Variants in CADM2 observed in about 807,000 individuals in gnomAD.
The protein encoded by CADM2 is immunoglobulin superfamily member 4D.
In CADM2, 12 loss-of-function variants were observed where a neutral mutation model predicts 49.8. That is an observed-to-expected ratio of 0.24 (90% confidence interval 0.15 to 0.39). The LOEUF (loss-of-function observed/expected upper bound fraction) is 0.39. CADM2 is among the 10% of genes least tolerant of loss of function. CADM2 has a pLI of 1.00. For missense variants in CADM2, 378 were observed against 492.3 expected (o/e 0.77, Z 2.20); for synonymous variants, 214 against 175.4 (o/e 1.22, Z -1.74).
At chr3:85,729,256 A>T (rs1377923894) in intron 2 of CADM2, among the ~76,000 whole-genome samples, 1 of 152,126 alleles carries the variant, frequency 6.6e-6, no homozygotes, top group Non-Finnish European at 1.5e-5. Context: ...TCTGAAATAC[A>T]GGTTTTATTC....
At position 85,568,259 on chromosome 3, in the gene CADM2, T is replaced by C. The variant is rs1431585060; in HGVS notation, c.62-158263T>C. On this transcript the variant is annotated intron_variant, in intron 1 of 9. Transcript: ENST00000383699. ...AATAATCACAATTCACTCTGCGAAGTGGTACACAAGAAATGCAAGAAAGAA... is the reference window on the plus strand; with the variant it reads ...AATAATCACAATTCACTCTGCGAAGCGGTACACAAGAAATGCAAGAAAGAA... Among the ~76,000 whole-genome samples the C allele has an allele frequency of 3.3e-5, 5 of 152,072 alleles. No homozygotes were observed. The South Asian group carries it at 1.0e-3, about 32-fold the overall frequency.
chr3:85,461,165 G>T (rs773519591), intron 1 of CADM2, among the ~76,000 whole-genome samples: 3 of 151,748 alleles, frequency 2.0e-5, no homozygotes, highest in African/African-American at 7.3e-5. Flanking sequence ...TCATGTTTTC[G>T]CATGAGATGT....
intron 1 of CADM2, among the ~76,000 whole-genome samples, chr3:85,417,095 T>TA (rs368448805): frequency 2.0e-4 from 30 of 151,860 alleles, no homozygotes; most frequent in African/African-American, 3.4e-4. Flanking sequence ...TTGAAAAGCT[T>TA]AAAAAAAACT....
At chr3:85,159,685 C>G (rs2040254312) in intron 1 of CADM2, among the ~76,000 whole-genome samples, 1 of 152,174 alleles carries the variant, frequency 6.6e-6, no homozygotes, top group Non-Finnish European at 1.5e-5. Context: ...ATGATTAACG[C>G]TGAGTGTGCT....
chr3:85,008,741 CATAT>C (rs766800135), intron 1 of CADM2, among the ~76,000 whole-genome samples: 7 of 151,346 alleles, frequency 4.6e-5, no homozygotes, highest in African/African-American at 1.7e-4. Context: ...TATAAAGAGT[CATAT>C]ATATATATAA....
At chr3:84,979,425 T>C (rs2032028047) in intron 1 of CADM2, among the ~76,000 whole-genome samples, 2 of 152,170 alleles carry the variant, frequency 1.3e-5, no homozygotes, top group African/African-American at 4.8e-5. Context: ...AAAAAATGTG[T>C]GTGCCTGTGT....
intron 8 of CADM2, among the ~76,000 whole-genome samples, chr3:85,963,480 A>T (rs926366235): frequency 6.6e-6 from 1 of 151,904 alleles, no homozygotes; most frequent in African/African-American, 2.4e-5. Flanking sequence ...TGTTTAGATC[A>T]TGCAGTCATG....
chr3:86,032,516 A>G (rs1379903861), intron 8 of CADM2, among the ~76,000 whole-genome samples: 2 of 151,940 alleles, frequency 1.3e-5, no homozygotes, highest in African/African-American at 4.8e-5. Flanking sequence ...TAGTTATAAC[A>G]TATATTAATG....
chr3:85,692,773 A>G (rs113364248), intron 1 of CADM2, among the ~76,000 whole-genome samples: 6,402 of 152,306 alleles, frequency 0.042, 182 homozygotes, highest in Non-Finnish European at 0.068. Context: ...TTTTTATCAC[A>G]TAAGAAATAT....
chr3:85,990,038 A>C (rs1055606786), intron 8 of CADM2, among the ~76,000 whole-genome samples: 1 of 149,216 alleles, frequency 6.7e-6, no homozygotes, highest in African/African-American at 2.4e-5. Flanking sequence ...AAAAAAAAAA[A>C]AAAAAAGAAG....
rs1410834972 is a variant in CADM2, at chr3:86,067,434, A to G, written c.*651A>G. ...ACAGGAGCCATGTGTACGAATTGCA[A>G]TCATGACATGGTATTTTCTATAATT... On this transcript the variant is annotated 3_prime_UTR_variant, in exon 10 of 10. Transcript: ENST00000383699. 6.6e-6 allele frequency: 1 copy of G among 152,554 alleles called. No individual in the cohort carries two copies. The highest frequency in any genetic ancestry group is 1.5e-5 in the Non-Finnish European group (1 of 67,982). 9.5% of individuals were successfully genotyped at this position (152,554 alleles called of 1,614,324 possible).
intron 2 of CADM2, among the ~76,000 whole-genome samples, chr3:85,771,742 T>C (rs1192685345): frequency 6.6e-6 from 1 of 152,070 alleles, no homozygotes; most frequent in Non-Finnish European, 1.5e-5. Context: ...GATAGAATTA[T>C]TTCTGAAAAG....
intron 8 of CADM2, among the ~76,000 whole-genome samples, chr3:85,986,504 T>C (rs1040884620): frequency 4.6e-5 from 7 of 152,108 alleles, no homozygotes; most frequent in Non-Finnish European, 1.0e-4. Flanking sequence ...TGCACAATGT[T>C]GTGAGCTTTT....
At chr3:85,198,056 GTTTA>G (rs1472432918) in intron 1 of CADM2, among the ~76,000 whole-genome samples, 1 of 151,698 alleles carries the variant, frequency 6.6e-6, no homozygotes, top group Non-Finnish European at 1.5e-5. Context: ...TAATAATATG[GTTTA>G]TTTAACTCTG....
chr3:85,472,850 G>A (rs2038825776), intron 1 of CADM2, among the ~76,000 whole-genome samples: 1 of 151,934 alleles, frequency 6.6e-6, no homozygotes, highest in Non-Finnish European at 1.5e-5. Flanking sequence ...CAATTTTACC[G>A]AGCTAGGAGT....
At chr3:85,898,157 C>T (rs1186672962) in intron 5 of CADM2, among the ~76,000 whole-genome samples, 1 of 152,132 alleles carries the variant, frequency 6.6e-6, no homozygotes, top group Non-Finnish European at 1.5e-5. Context: ...CTAGGAGATA[C>T]ATAAGTCACT....
intron 1 of CADM2, among the ~76,000 whole-genome samples, chr3:85,156,924 G>T (rs967025180): frequency 6.6e-6 from 1 of 152,126 alleles, no homozygotes; most frequent in Non-Finnish European, 1.5e-5. Flanking sequence ...CGACATGATT[G>T]TATATCTAGA....
intron 1 of CADM2, among the ~76,000 whole-genome samples, chr3:85,643,963 G>A (rs2064810175): frequency 6.6e-6 from 1 of 151,884 alleles, no homozygotes; most frequent in African/African-American, 2.4e-5. Flanking sequence ...TTCAATTCCT[G>A]GATATAAAAA....
At chr3:85,817,904 C>A (rs2073315108) in intron 3 of CADM2, among the ~76,000 whole-genome samples, 1 of 151,930 alleles carries the variant, frequency 6.6e-6, no homozygotes, top group Admixed American at 6.6e-5. Flanking sequence ...GGCTGAAACT[C>A]TTATCAGAAT....
Sources: gnomAD v4.1 joint callset for allele counts (sites outside exome capture counted in the v4.1 genomes callset) on GRCh38, gnomAD v4.1.1 for gene constraint, MANE v1.5 for transcripts, NCBI Gene and HGNC (gene_info 2026-07-23, HGNC 2026-07-21) for gene names.